Variants in AMMECR1L observed in about 807,000 individuals in gnomAD.
AMMECR1L encodes AMMECR1-like protein.
Under a neutral mutation model 36.8 loss-of-function variants are expected in AMMECR1L, and 4 were observed. The ratio of observed to expected loss-of-function variants is 0.11; its 90% CI spans 0.05 to 0.25. AMMECR1L has a LOEUF of 0.25. Ranked by LOEUF, AMMECR1L falls within the 10% of genes least tolerant of loss-of-function variation. The pLI, the probability that AMMECR1L is intolerant of heterozygous loss-of-function variation, is 1.00. For synonymous variants in AMMECR1L, 147 were observed against 148.0 expected (o/e 0.99, Z 0.05); for missense variants, 232 against 392.1 (o/e 0.59, Z 3.45).
chr2:127,883,139 C>T (rs1691591482), intron 2 of AMMECR1L, among the ~76,000 whole-genome samples: 1 of 149,640 alleles, frequency 6.7e-6, no homozygotes. Context: ...GCTCTGTCGT[C>T]AGGCTGGAGT....
chr2:127,883,109 T>C (rs1350226210), intron 2 of AMMECR1L, among the ~76,000 whole-genome samples: 3 of 151,074 alleles, frequency 2.0e-5, no homozygotes, highest in East Asian at 3.9e-4. Context: ...TTTTCTTTTT[T>C]TTTTTTTAGA....
At chr2:127,867,062 C>A in intron 6 of AMMECR1L, 66 bp from the exon 7 acceptor site, 2 of 1,603,116 alleles carry the variant, frequency 1.2e-6, no homozygotes, top group Non-Finnish European at 1.7e-6. Flanking sequence ...TCTCACATGG[C>A]CCGTGCAAGA....
chr2:127,881,353 C>A (rs1369886431), intron 2 of AMMECR1L, among the ~76,000 whole-genome samples: 2 of 116,916 alleles, frequency 1.7e-5, no homozygotes, highest in Non-Finnish European at 4.2e-5. Flanking sequence ...TGATGATGCC[C>A]CCACTCATGT....
chr2:127,866,862 TA>T, intron 7 of AMMECR1L, 37 bp downstream of exon 7: 2 of 1,581,116 alleles, frequency 1.3e-6, no homozygotes, highest in East Asian at 4.5e-5. Flanking sequence ...CAACCCCAAC[TA>T]AATTGAAATG....
chr2:127,883,287 G>T (rs573981069), intron 2 of AMMECR1L, among the ~76,000 whole-genome samples: 1 of 151,932 alleles, frequency 6.6e-6, no homozygotes, highest in African/African-American at 2.4e-5. Flanking sequence ...CAGTAGAGAC[G>T]GGGTTTCACC....
At chr2:127,883,761 T>C (rs1026850526) in intron 2 of AMMECR1L, among the ~76,000 whole-genome samples, 13 of 152,254 alleles carry the variant, frequency 8.5e-5, no homozygotes, top group African/African-American at 1.4e-4. Flanking sequence ...ATCTTCACTA[T>C]TGCAAATTTA....
Position 127,871,178 on chromosome 2 carries a change from G to C in AMMECR1L, c.518+71C>G. ...AAAGCTCAACGTACATCACTTAGAA[G>C]AAATAAAGTCAGGCAGCTATTTCTG... On this transcript the variant is annotated intron_variant, in intron 4 of 7. Coordinates refer to ENST00000272647, the MANE Select transcript of AMMECR1L (RefSeq NM_001199140.2). This position sits in a 1 kb window ranked among gnomAD's most constrained non-coding sequence, Gnocchi z 4.3. 1 of 1,511,910 alleles carries C rather than the reference G, an allele frequency of 6.6e-7. No individual in the cohort carries two copies. Among genetic ancestry groups the C allele is most frequent in the South Asian group, 1.1e-5 (1 of 87,632 alleles). 93.7% of individuals were successfully genotyped at this position (1,511,910 alleles called of 1,614,324 possible).
At position 127,869,385 on chromosome 2, in the gene AMMECR1L, C is replaced by A; in HGVS notation, c.724+69G>T. On this transcript the variant is annotated intron_variant, in intron 6 of 7. Coordinates refer to ENST00000272647, the MANE Select transcript of AMMECR1L (RefSeq NM_001199140.2). This position sits in a 1 kb window ranked among gnomAD's most constrained non-coding sequence, Gnocchi z 4.7. ...TTGGGCTGCAAGATGACACACTTCA[C>A]TTTCTTGCCCTTTAACTGGCACCAC... The A allele has an allele frequency of 6.9e-7, 1 of 1,455,018 alleles. No homozygotes were observed. Among genetic ancestry groups the A allele is most frequent in the Non-Finnish European group, 9.7e-7 (1 of 1,036,212 alleles). The allele number at this position is 1,455,018 out of a possible 1,614,324, so 90.1% of individuals were successfully genotyped here. A position where few individuals can be genotyped will look rare whatever the true frequency, so the allele number is the denominator to read the frequency against.
Position 127,874,367 on chromosome 2 carries a change from G to C in AMMECR1L, c.-38-95C>G. 1 of 1,214,028 alleles carries C rather than the reference G, an allele frequency of 8.2e-7. No individual in the cohort carries two copies. Among genetic ancestry groups the C allele is most frequent in the African/African-American group, 1.5e-5 (1 of 64,996 alleles). 75.2% of individuals were successfully genotyped at this position (1,214,028 alleles called of 1,614,324 possible). A position where few individuals can be genotyped will look rare whatever the true frequency, so the allele number is the denominator to read the frequency against. On this transcript the variant is annotated intron_variant, in intron 2 of 7. Coordinates refer to ENST00000272647, the MANE Select transcript of AMMECR1L (RefSeq NM_001199140.2). This position sits in a 1 kb window ranked among gnomAD's most constrained non-coding sequence, Gnocchi z 5.2. ...TAGAGAGTCTGCATTGACCAGCTAA[G>C]AGCTGTCAAATTCTTTCTCCCACTC...
Position 127,872,961 on chromosome 2 carries a change from C to T in AMMECR1L, c.407+867G>A, listed in dbSNP as rs185366920. The T allele has an allele frequency of 3.1e-6, 3 of 973,292 alleles. No homozygotes were observed. In the Admixed American group the frequency reaches 1.8e-4, roughly 60 times the overall value. The allele number at this position is 973,292 out of a possible 1,614,324, so 60.3% of individuals were successfully genotyped here. A position where few individuals can be genotyped will look rare whatever the true frequency, so the allele number is the denominator to read the frequency against. On this transcript the variant is annotated intron_variant, in intron 3 of 7. Coordinates refer to ENST00000272647, the MANE Select transcript of AMMECR1L (RefSeq NM_001199140.2). ...CTCACAGAGAACAACTTCCCCTTAG[C>T]TCTGTGCGTGTGTGATTTGCCAACC...
intron 5 of AMMECR1L, 75 bp downstream of exon 5, chr2:127,870,739 G>A (rs1690928356): frequency 9.1e-7 from 1 of 1,100,416 alleles, no homozygotes; most frequent in Non-Finnish European, 1.3e-6. Flanking sequence ...CTCAATGAAG[G>A]AGATACATTG....
intron 1 of AMMECR1L, 89 bp from the exon 2 acceptor site, chr2:127,884,401 G>A (rs1353774226): frequency 7.0e-6 from 1 of 142,032 alleles, no homozygotes; most frequent in Non-Finnish European, 1.5e-5. Context: ...CAACTCGACA[G>A]AGCAATTTCG....
rs868290778 is a variant in AMMECR1L, at chr2:127,885,930, G to C, written c.-269C>G. The C allele has an allele frequency of 5.1e-6, 5 of 986,690 alleles. No individual in the cohort carries two copies. The highest frequency in any genetic ancestry group is 1.2e-4 in the Admixed American group (2 of 16,218). The allele number at this position is 986,690 out of a possible 1,614,324, so 61.1% of individuals were successfully genotyped here. A position where few individuals can be genotyped will look rare whatever the true frequency, so the allele number is the denominator to read the frequency against. The stretch of plus-strand genomic sequence containing the variant: ...TCCCGAGAGAAGCTGGCCTGCGGGC[G>C]GGCCGGACGCGCTGCGCGGACGGGG... On this transcript the variant is annotated 5_prime_UTR_variant, in exon 1 of 8. Coordinates refer to ENST00000272647, the MANE Select transcript of AMMECR1L (RefSeq NM_001199140.2).
chr2:127,880,510 C>T (rs1020683831), intron 2 of AMMECR1L, among the ~76,000 whole-genome samples: 2 of 152,120 alleles, frequency 1.3e-5, no homozygotes, highest in Admixed American at 6.6e-5. Flanking sequence ...CTCATCTGCC[C>T]TGTGCTTGCA....
chr2:127,885,697 G>A (rs1691748031), intron 1 of AMMECR1L, 113 bp downstream of exon 1: 2 of 982,574 alleles, frequency 2.0e-6, no homozygotes, highest in African/African-American at 3.5e-5. Flanking sequence ...GTCTCTTCCC[G>A]GCCCCGCCGC....
intron 2 of AMMECR1L, among the ~76,000 whole-genome samples, chr2:127,881,958 T>G (rs958854999): frequency 1.3e-5 from 2 of 152,202 alleles, no homozygotes; most frequent in African/African-American, 4.8e-5. Context: ...TTGGCTGCCT[T>G]GAGAGTTGTA....
intron 2 of AMMECR1L, among the ~76,000 whole-genome samples, chr2:127,880,770 G>GTA (rs1037719750): frequency 1.7e-4 from 20 of 115,008 alleles, no homozygotes; most frequent in South Asian, 3.6e-4. Flanking sequence ...CCTACATACA[G>GTA]TATACACACA....
In AMMECR1L at chr2:127,869,367, G is replaced by T; in HGVS notation, c.724+87C>A. 7.7e-7 allele frequency: 1 copy of T among 1,300,222 alleles called. No homozygotes were observed. The highest frequency in any genetic ancestry group is 1.1e-6 in the Non-Finnish European group (1 of 898,946). The allele number at this position is 1,300,222 out of a possible 1,614,324, so 80.5% of individuals were successfully genotyped here. A position where few individuals can be genotyped will look rare whatever the true frequency, so the allele number is the denominator to read the frequency against. ...CCTCATTCTCAGCTGCAGTTGGGCT[G>T]CAAGATGACACACTTCACTTTCTTG... is the stretch of plus-strand genomic sequence containing the variant. On this transcript the variant is annotated intron_variant, in intron 6 of 7. Transcript: ENST00000272647. This position sits in a 1 kb window ranked among gnomAD's most constrained non-coding sequence, Gnocchi z 4.7.
intron 2 of AMMECR1L, among the ~76,000 whole-genome samples, chr2:127,882,003 A>AC (rs1691520106): frequency 6.6e-6 from 1 of 152,242 alleles, no homozygotes. Context: ...ATTTAAGCTT[A>AC]CAGACATACA....
Sources: allele counts gnomAD v4.1 joint callset (sites outside exome capture counted in the v4.1 genomes callset), GRCh38; gene constraint gnomAD v4.1.1; non-coding constraint Gnocchi (gnomAD v3.1); transcripts MANE v1.5; gene names NCBI Gene and HGNC (gene_info 2026-07-23, HGNC 2026-07-21).